RRP15: variants seen among roughly 807,000 people sequenced by gnomAD.
The protein encoded by RRP15 is RRP15-like protein.
In RRP15, 18 loss-of-function variants were observed where a neutral mutation model predicts 27.1. That is an observed-to-expected ratio of 0.66 (90% confidence interval 0.46 to 0.98). The LOEUF is 0.98. Ranked by LOEUF, RRP15 falls within the 50% of genes least tolerant of loss-of-function variation. The probability of loss-of-function intolerance (pLI) is 0.00; values close to 1 mark genes in which losing one functional copy is unlikely to be tolerated. For missense variants in RRP15, 359 were observed against 337.8 expected (o/e 1.06, Z -0.49); for synonymous variants, 107 against 109.4 (o/e 0.98, Z 0.14).
rs887650727 is a variant in RRP15 at position 218,335,764 on chromosome 1, A to C, written c.*4673A>C. On this transcript the variant is annotated 3_prime_UTR_variant, in exon 5 of 5. Transcript: ENST00000366932. ...AAGCTTTTTCCATAAACTTTTATTG[A>C]TATAATTTAGGCATATACAAATACT... 2.6e-5 allele frequency: 4 copies of C among 152,140 alleles called. No individual in the cohort carries two copies. Among genetic ancestry groups the C allele is most frequent in the Non-Finnish European group, 5.9e-5 (4 of 68,022 alleles). The allele number at this position is 152,140 out of a possible 1,614,324, so 9.4% of individuals were successfully genotyped here. A position where few individuals can be genotyped will look rare whatever the true frequency, so the allele number is the denominator to read the frequency against.
At chr1:218,323,802 G>T (rs1469048913) in intron 4 of RRP15, among the ~76,000 whole-genome samples, 1 of 152,234 alleles carries the variant, frequency 6.6e-6, no homozygotes, top group Non-Finnish European at 1.5e-5. Flanking sequence ...TGCCCCCAGT[G>T]TGCGTATACC....
At chr1:218,317,866 G>A (rs1385480317) in intron 4 of RRP15, among the ~76,000 whole-genome samples, 1 of 151,416 alleles carries the variant, frequency 6.6e-6, no homozygotes, top group East Asian at 1.9e-4. Context: ...CTCGCGAGTA[G>A]CTAGAGCCAC....
chr1:218,291,846 CT>C (rs898085152), intron 1 of RRP15, among the ~76,000 whole-genome samples: 17 of 149,540 alleles, frequency 1.1e-4, no homozygotes, highest in Admixed American at 4.7e-4. Context: ...TCCCCACCCC[CT>C]TTTTTTTTAA....
chr1:218,318,286 T>C (rs1339756634), intron 4 of RRP15, among the ~76,000 whole-genome samples: 2 of 152,186 alleles, frequency 1.3e-5, no homozygotes, highest in Non-Finnish European at 2.9e-5. Context: ...TACCATACAA[T>C]TAAAATTTTT....
chr1:218,289,743 T>C (rs141717337), intron 1 of RRP15, among the ~76,000 whole-genome samples: 4,902 of 152,276 alleles, frequency 0.032, 249 homozygotes, highest in African/African-American at 0.11. Flanking sequence ...AGTGCAATGG[T>C]ATGATCTCAG....
intron 4 of RRP15, among the ~76,000 whole-genome samples, chr1:218,328,427 C>G (rs2102516985): frequency 6.6e-6 from 1 of 152,258 alleles, no homozygotes; most frequent in South Asian, 2.1e-4. Context: ...CTTTGGGAGG[C>G]CAAGGCGGGC....
intron 1 of RRP15, among the ~76,000 whole-genome samples, chr1:218,298,743 T>C (rs1571795429): frequency 6.6e-6 from 1 of 152,182 alleles, no homozygotes; most frequent in East Asian, 1.9e-4. Flanking sequence ...TTAAAGAAAA[T>C]AAAAATTCAG....
At chr1:218,314,961 C>T (rs1656063335) in intron 4 of RRP15, among the ~76,000 whole-genome samples, 2 of 139,952 alleles carry the variant, frequency 1.4e-5, no homozygotes, top group Admixed American at 7.6e-5. Flanking sequence ...CACTGCACTC[C>T]AGCCTGGTGA....
intron 4 of RRP15, among the ~76,000 whole-genome samples, chr1:218,317,348 G>A (rs1656105017): frequency 6.6e-6 from 1 of 152,332 alleles, no homozygotes; most frequent in Non-Finnish European, 1.5e-5. Flanking sequence ...ACCCAGATGA[G>A]CTGGAAGAAC....
chr1:218,318,183 T>A (rs534918493), intron 4 of RRP15, among the ~76,000 whole-genome samples: 3 of 152,196 alleles, frequency 2.0e-5, no homozygotes, highest in African/African-American at 4.8e-5. Context: ...TTTTTGTTTG[T>A]TTAGGTTGAT....
chr1:218,292,493 G>A (rs1217057813), intron 1 of RRP15, among the ~76,000 whole-genome samples: 1 of 152,210 alleles, frequency 6.6e-6, no homozygotes, highest in Non-Finnish European at 1.5e-5. Context: ...TTAAAACAAG[G>A]CAGAGTGTCT....
intron 1 of RRP15, among the ~76,000 whole-genome samples, chr1:218,293,602 C>T (rs1655677488): frequency 6.6e-6 from 1 of 152,180 alleles, no homozygotes; most frequent in South Asian, 2.1e-4. Flanking sequence ...ATTTGAAAAA[C>T]TTCCTTTAGT....
At chr1:218,290,392 C>T (rs1040609226) in intron 1 of RRP15, among the ~76,000 whole-genome samples, 2 of 152,168 alleles carry the variant, frequency 1.3e-5, no homozygotes, top group East Asian at 1.9e-4. Context: ...CTGGTCAGAA[C>T]ATTTTTGTCA....
In RRP15 at chr1:218,331,693, G is replaced by C. The variant is rs574980654; in HGVS notation, c.*602G>C. 9.1e-5 allele frequency: 5 copies of C among 54,874 alleles called. No homozygotes were observed. In the South Asian group the frequency reaches 2.8e-3, roughly 31 times the overall value. The allele number at this position is 54,874 out of a possible 1,614,324, so 3.4% of individuals were successfully genotyped here. A position where few individuals can be genotyped will look rare whatever the true frequency, so the allele number is the denominator to read the frequency against. ...TTTTTTTTTTTTTTTTTTTTTTTGA[G>C]ACGGAGTCTTGCTCTGTGGCCCCGG... is the stretch of plus-strand genomic sequence containing the variant. On this transcript the variant is annotated 3_prime_UTR_variant, in exon 5 of 5. Coordinates refer to ENST00000366932, the MANE Select transcript of RRP15 (RefSeq NM_016052.4).
intron 4 of RRP15, among the ~76,000 whole-genome samples, chr1:218,325,926 T>C (rs1656265381): frequency 6.6e-6 from 1 of 152,182 alleles, no homozygotes. Context: ...ATCTTCTGAC[T>C]TTTATAATGT....
chr1:218,316,141 C>A (rs1656086611), intron 4 of RRP15, among the ~76,000 whole-genome samples: 1 of 152,084 alleles, frequency 6.6e-6, no homozygotes, highest in Non-Finnish European at 1.5e-5. Context: ...TTAGGTTTGG[C>A]AATATGGCAC....
At chr1:218,295,423 G>T (rs944257318) in intron 1 of RRP15, among the ~76,000 whole-genome samples, 1 of 152,166 alleles carries the variant, frequency 6.6e-6, no homozygotes, top group Non-Finnish European at 1.5e-5. Flanking sequence ...GTGCCCATAT[G>T]ACTATAAAAC....
chr1:218,301,289 T>A (rs930701895), intron 1 of RRP15: 1 of 152,218 alleles, frequency 6.6e-6, no homozygotes. Context: ...TACTAAGCTA[T>A]TGGATGATTG....
At position 218,307,545 on chromosome 1, in the gene RRP15, C is replaced by G. The variant is rs1655918988; in HGVS notation, c.618C>G (p.Ser206=). 1.2e-6 allele frequency: 2 copies of G among 1,613,672 alleles called. No homozygotes were observed. The highest frequency in any genetic ancestry group is 3.3e-5 in the Admixed American group (2 of 59,984). ...RKRAKLISTV[S]KKDFISVLRG... Reference sequence around the variant, plus strand: ...GTGCTAAGTTGATATCAACTGTTTCCAAGAAAGATTTCATCAGTGTTTTGA... The same window carrying G: ...GTGCTAAGTTGATATCAACTGTTTCGAAGAAAGATTTCATCAGTGTTTTGA... Residue 206 remains serine, a synonymous_variant, in exon 4 of 5, where the codon TCC becomes TCG. Transcript: ENST00000366932.
Sources: allele counts gnomAD v4.1 joint callset (sites outside exome capture counted in the v4.1 genomes callset), GRCh38; gene constraint gnomAD v4.1.1; transcripts MANE v1.5; gene names NCBI Gene and HGNC (gene_info 2026-07-23, HGNC 2026-07-21).